SOX5: variants seen among roughly 807,000 people sequenced by gnomAD.
The protein encoded by SOX5 is transcription factor SOX-5.
A neutral mutation model predicts 92.0 loss-of-function variants in SOX5; 9 were observed. The ratio of observed to expected loss-of-function variants is 0.10; its 90% CI spans 0.06 to 0.17. The LOEUF (loss-of-function observed/expected upper bound fraction) is 0.17, where lower values mean the gene tolerates loss of function less well. Ranked by LOEUF, SOX5 falls within the 10% of genes least tolerant of loss-of-function variation. SOX5 has a pLI of 1.00. For missense variants in SOX5, 642 were observed against 944.5 expected, an observed-to-expected ratio of 0.68 and a Z score of 4.20; for synonymous variants, 344 against 336.3, an observed-to-expected ratio of 1.02 and a Z score of -0.25.
chr12:24,349,943 C>G (rs1159206665), intron 2 of SOX5, among the ~76,000 whole-genome samples: 2 of 152,160 alleles, frequency 1.3e-5, no homozygotes, highest in Admixed American at 6.5e-5. Flanking sequence ...TTTGCTGACA[C>G]TTTTTCTTTC....
chr12:24,345,161 G>C (rs748329780), intron 2 of SOX5, among the ~76,000 whole-genome samples: 1 of 152,220 alleles, frequency 6.6e-6, no homozygotes, highest in African/African-American at 2.4e-5. Flanking sequence ...TAACTTTCTG[G>C]TATATTAGAC....
At chr12:23,581,554 G>T (rs1036385358) in intron 9 of SOX5, among the ~76,000 whole-genome samples, 3 of 152,026 alleles carry the variant, frequency 2.0e-5, no homozygotes, top group African/African-American at 7.2e-5. Context: ...AAAGGCAACA[G>T]ATAAGAACAG....
At chr12:23,975,411 T>C (rs988094596) in intron 4 of SOX5, among the ~76,000 whole-genome samples, 2 of 152,202 alleles carry the variant, frequency 1.3e-5, no homozygotes, top group African/African-American at 4.8e-5. Context: ...GTCCTGTGTA[T>C]TCTTCATATA....
intron 10 of SOX5, among the ~76,000 whole-genome samples, chr12:23,574,559 ATT>A (rs1948837210): frequency 6.6e-6 from 1 of 152,118 alleles, no homozygotes; most frequent in African/African-American, 2.4e-5. Flanking sequence ...TTTTTAATCC[ATT>A]CTCTCCTTTA....
Position 24,204,494 on chromosome 12 carries a change from A to G in SOX5, c.-2+8849T>C, listed in dbSNP as rs1594236635. 4.0e-5 allele frequency among the ~76,000 whole-genome samples: 6 copies of G among 151,898 alleles called. 1 individual carries two copies. The highest frequency in any genetic ancestry group is 3.9e-4 in the Admixed American group (6 of 15,258). On this transcript the variant is annotated intron_variant, in intron 4 of 4. Coordinates refer to the SOX5 transcript ENST00000446891. ...TGGGTGGCCACTACCATGTCTGACTAATTTTTGTATTTTTAGTAGAGACAA... is the reference window on the plus strand; with the variant it reads ...TGGGTGGCCACTACCATGTCTGACTGATTTTTGTATTTTTAGTAGAGACAA...
At chr12:23,962,914 A>G (rs993857148) in intron 4 of SOX5, among the ~76,000 whole-genome samples, 3 of 152,162 alleles carry the variant, frequency 2.0e-5, no homozygotes, top group African/African-American at 7.2e-5. Context: ...ATTTTGATTC[A>G]CTGAAAAAAA....
chr12:23,561,598 G>A (rs1052852131), intron 11 of SOX5, among the ~76,000 whole-genome samples: 22 of 152,206 alleles, frequency 1.4e-4, no homozygotes, highest in African/African-American at 5.1e-4. Flanking sequence ...CGCTGCTTAG[G>A]GGCCTAGGAG....
At chr12:23,638,294 A>G (rs1203848525) in intron 8 of SOX5, 1 of 152,156 alleles carries the variant, frequency 6.6e-6, no homozygotes, top group African/African-American at 2.4e-5. Context: ...TGGTCTCTAG[A>G]GCTGGGATTC....
In SOX5 at chr12:23,626,217, A is replaced by G. The variant is rs200764335; in HGVS notation, c.1017+14595T>C. ...TTAGAAGCCCTAAGGACCAAAAAGT[A>G]TATGGTGTCCATCTAGTTGGCTATG... is the stretch of plus-strand genomic sequence containing the variant. On this transcript the variant is annotated intron_variant, in intron 8 of 14. Transcript: ENST00000451604. Among the ~76,000 whole-genome samples the G allele has an allele frequency of 3.1e-4, 47 of 152,300 alleles. No homozygotes were observed. In the East Asian group the frequency reaches 8.1e-3, roughly 26 times the overall value.
chr12:24,031,513 T>C (rs1014574731), intron 4 of SOX5, among the ~76,000 whole-genome samples: 19 of 151,794 alleles, frequency 1.3e-4, no homozygotes, highest in Admixed American at 1.1e-3. Context: ...AGAATGGTGG[T>C]TACCAGGAGC....
chr12:23,998,108 G>C (rs7972094), intron 4 of SOX5, among the ~76,000 whole-genome samples: 14,299 of 151,906 alleles, frequency 0.094, 1,493 homozygotes, highest in East Asian at 0.42. Context: ...CTTTATGAGG[G>C]ACCCCAGGTG....
At chr12:23,907,250 A>G (rs1278349135) in intron 1 of SOX5, among the ~76,000 whole-genome samples, 2 of 152,158 alleles carry the variant, frequency 1.3e-5, no homozygotes, top group Admixed American at 1.3e-4. Flanking sequence ...AAGAGGAGGA[A>G]GAGGACGAAG....
chr12:24,438,226 G>C (rs1445351267), intron 1 of SOX5, among the ~76,000 whole-genome samples: 1 of 152,106 alleles, frequency 6.6e-6, no homozygotes, highest in East Asian at 1.9e-4. Flanking sequence ...AGTGGGAGTT[G>C]AACAATGAGA....
chr12:24,160,722 T>C (rs1387354731), intron 4 of SOX5, among the ~76,000 whole-genome samples: 2 of 152,080 alleles, frequency 1.3e-5, no homozygotes, highest in Non-Finnish European at 1.5e-5. Context: ...TTTTCTTCTG[T>C]AGATTTTTAT....
At chr12:23,802,298 T>G (rs1334045072) in intron 3 of SOX5, among the ~76,000 whole-genome samples, 1 of 152,058 alleles carries the variant, frequency 6.6e-6, no homozygotes, top group East Asian at 1.9e-4. Flanking sequence ...GCCAGGATGG[T>G]CTCGATCTCC....
chr12:23,689,214 T>C (rs1008608647), intron 6 of SOX5, among the ~76,000 whole-genome samples: 8 of 152,244 alleles, frequency 5.3e-5, no homozygotes, highest in Middle Eastern at 6.8e-3. Context: ...AGCATTATCC[T>C]ACGGGTATAG....
intron 2 of SOX5, among the ~76,000 whole-genome samples, chr12:23,855,353 C>T (rs1272284309): frequency 6.6e-6 from 1 of 151,946 alleles, no homozygotes; most frequent in South Asian, 2.1e-4. Flanking sequence ...ACCTCTGTTG[C>T]ATATTCAATT....
Position 23,791,082 on chromosome 12 carries a change from A to G in SOX5, c.482-35358T>C, listed in dbSNP as rs139453054. The stretch of plus-strand genomic sequence containing the variant: ...AGGAAATTTCTATTTTTTCCAACCT[A>G]TCTACCAGTAATGAAGACTTGTTAA... On this transcript the variant is annotated intron_variant, in intron 3 of 14. Transcript: ENST00000451604. 1.7e-3 allele frequency among the ~76,000 whole-genome samples: 265 copies of G among 152,224 alleles called. 1 individual carries two copies. The highest frequency in any genetic ancestry group is 6.0e-3 in the African/African-American group (250 of 41,566).
At chr12:24,119,178 T>A (rs1181351935) in intron 4 of SOX5, among the ~76,000 whole-genome samples, 2 of 152,140 alleles carry the variant, frequency 1.3e-5, no homozygotes, top group African/African-American at 4.8e-5. Context: ...TCAGGAACTA[T>A]TAGAACAGTG....
Sources: allele counts gnomAD v4.1 joint callset (sites outside exome capture counted in the v4.1 genomes callset), GRCh38; gene constraint gnomAD v4.1.1; transcripts MANE v1.5; gene names NCBI Gene and HGNC (gene_info 2026-07-23, HGNC 2026-07-21).